Variants in ASIC2 observed in about 807,000 individuals in gnomAD.
ASIC2 encodes the protein acid-sensing ion channel 2.
In ASIC2, 25 loss-of-function variants were observed where a neutral mutation model predicts 57.3. The observed-to-expected ratio is 0.44, with a 90% CI of 0.32 to 0.61. ASIC2 has a LOEUF of 0.61. ASIC2 is among the 20% of genes least tolerant of loss of function. The pLI, the probability that ASIC2 is intolerant of heterozygous loss-of-function variation, is 0.06. For missense variants in ASIC2, 641 were observed against 738.1 expected (o/e 0.87, Z 1.52); for synonymous variants, 319 against 307.5 (o/e 1.04, Z -0.39).
At chr17:33,705,747 C>A (rs547171709) in intron 1 of ASIC2, among the ~76,000 whole-genome samples, 12 of 152,284 alleles carry the variant, frequency 7.9e-5, no homozygotes, top group African/African-American at 2.9e-4. Flanking sequence ...TCATTGAAAT[C>A]TATTTCTGAC....
intron 1 of ASIC2, among the ~76,000 whole-genome samples, chr17:33,380,245 C>CAAAAAAAAAAAAAAAAAAAAAA (rs10586872): frequency 5.6e-5 from 4 of 71,064 alleles, no homozygotes; most frequent in Non-Finnish European, 5.2e-5. Flanking sequence ...AACCCTGTCT[C>CAAAAAAAAAAAAAAAAAAAAAA]AAAAAAAAAA....
intron 1 of ASIC2, among the ~76,000 whole-genome samples, chr17:33,236,177 C>T (rs1183160581): frequency 6.6e-6 from 1 of 151,928 alleles, no homozygotes; most frequent in Non-Finnish European, 1.5e-5. Context: ...TGGGTTAAGA[C>T]TTCTGGGGAT....
intron 1 of ASIC2, among the ~76,000 whole-genome samples, chr17:33,127,478 A>G (rs1034762958): frequency 2.0e-5 from 3 of 152,226 alleles, no homozygotes; most frequent in African/African-American, 7.2e-5. Flanking sequence ...CGTCCTAGAC[A>G]TGGCAGAGGG....
chr17:33,871,232 G>C (rs1490120710), intron 1 of ASIC2, among the ~76,000 whole-genome samples: 1 of 152,252 alleles, frequency 6.6e-6, no homozygotes, highest in Admixed American at 6.5e-5. Context: ...GGGGCACTCA[G>C]AGAGGGTGGA....
chr17:33,739,890 G>C (rs891863614), intron 1 of ASIC2, among the ~76,000 whole-genome samples: 2 of 91,470 alleles, frequency 2.2e-5, no homozygotes, highest in African/African-American at 4.3e-5. Context: ...GAAAAGGAAA[G>C]AAAAGAAAAA....
chr17:34,018,466 G>A (rs1907043839), intron 1 of ASIC2, among the ~76,000 whole-genome samples: 1 of 152,102 alleles, frequency 6.6e-6, no homozygotes, highest in Non-Finnish European at 1.5e-5. Context: ...GAGTAATTGT[G>A]ACTTTCAATT....
chr17:33,774,779 C>A (rs1911214993), intron 1 of ASIC2, among the ~76,000 whole-genome samples: 1 of 152,160 alleles, frequency 6.6e-6, no homozygotes, highest in Middle Eastern at 3.2e-3. Context: ...GTGCAGGAAA[C>A]CAGCAGTGTC....
At position 33,821,957 on chromosome 17, in the gene ASIC2, G is replaced by T. The variant is rs149987871; in HGVS notation, c.555+334021C>A. On this transcript the variant is annotated intron_variant, in intron 1 of 9. Transcript: ENST00000359872. ...ACAGTCTTCTGTTCTAGCTGGGAAGGTGGGAAATTGTGGGGATGCAGCATG... is the reference window on the plus strand; with the variant it reads ...ACAGTCTTCTGTTCTAGCTGGGAAGTTGGGAAATTGTGGGGATGCAGCATG... 6.6e-5 allele frequency among the ~76,000 whole-genome samples: 10 copies of T among 152,288 alleles called. No homozygotes were observed. In the East Asian group the frequency reaches 1.7e-3, roughly 27 times the overall value.
intron 1 of ASIC2, among the ~76,000 whole-genome samples, chr17:33,368,167 G>A (rs758035460): frequency 1.3e-5 from 2 of 152,206 alleles, no homozygotes; most frequent in Non-Finnish European, 2.9e-5. Context: ...GGGATACAGT[G>A]GAAGGGTACT....
At chr17:34,024,093 C>A (rs901454152) in intron 1 of ASIC2, among the ~76,000 whole-genome samples, 3 of 152,202 alleles carry the variant, frequency 2.0e-5, no homozygotes, top group African/African-American at 4.8e-5. Context: ...AATCAGCCAG[C>A]TCCTGAAAGG....
intron 1 of ASIC2, among the ~76,000 whole-genome samples, chr17:33,152,536 C>T (rs1181590369): frequency 2.0e-5 from 3 of 152,166 alleles, no homozygotes; most frequent in Non-Finnish European, 2.9e-5. Context: ...TAGGAGTGAG[C>T]AAGGGAGACT....
chr17:33,518,375 A>G (rs949759306), intron 1 of ASIC2, among the ~76,000 whole-genome samples: 4 of 152,200 alleles, frequency 2.6e-5, no homozygotes, highest in Non-Finnish European at 4.4e-5. Flanking sequence ...GTGGAGTCCC[A>G]GCCCCTGCAT....
intron 1 of ASIC2, among the ~76,000 whole-genome samples, chr17:33,665,460 C>G (rs1241848462): frequency 6.6e-6 from 1 of 152,116 alleles, no homozygotes; most frequent in Non-Finnish European, 1.5e-5. Context: ...CATTTAGGTT[C>G]TTCAGGGCAG....
chr17:33,178,789 C>G (rs1905863552), intron 1 of ASIC2, among the ~76,000 whole-genome samples: 2 of 152,198 alleles, frequency 1.3e-5, no homozygotes, highest in African/African-American at 4.8e-5. Context: ...AGGGGAAGCT[C>G]TGTGTGTGCA....
rs190700606 is a variant in ASIC2, at chr17:33,702,663, G to C, written c.555+453315C>G. ...GACATCAAAAATCCAGCAGGGTTGC[G>C]AACTGGGGAGTTGGGACACAGAACA... On this transcript the variant is annotated intron_variant, in intron 1 of 9. Transcript: ENST00000359872. Among the ~76,000 whole-genome samples the C allele has an allele frequency of 2.9e-4, 44 of 152,306 alleles. No individual in the cohort carries two copies. In the East Asian group the frequency reaches 6.9e-3, roughly 24 times the overall value.
chr17:33,559,340 G>A (rs907873142), intron 1 of ASIC2, among the ~76,000 whole-genome samples: 7 of 152,108 alleles, frequency 4.6e-5, no homozygotes, highest in African/African-American at 1.2e-4. Flanking sequence ...ACAGATTCCA[G>A]TCACTTCAGT....
rs527756249 is a variant in ASIC2 at position 33,082,125 on chromosome 17, C to T, written c.987+6738G>A. Among the ~76,000 whole-genome samples, 4 of 152,178 alleles carry T rather than the reference C, an allele frequency of 2.6e-5. No individual in the cohort carries two copies. The East Asian group carries it at 7.7e-4, about 29-fold the overall frequency. Reference sequence around the variant, plus strand: ...GGTTCTTGGTGACAGTGGGAAGTCTCTGGGAAGGGACATTCAACCCTGGCT... The same window carrying T: ...GGTTCTTGGTGACAGTGGGAAGTCTTTGGGAAGGGACATTCAACCCTGGCT... On this transcript the variant is annotated intron_variant, in intron 3 of 9. Transcript: ENST00000225823.
intron 1 of ASIC2, among the ~76,000 whole-genome samples, chr17:33,699,746 G>A (rs1182207533): frequency 1.3e-5 from 2 of 152,148 alleles, no homozygotes; most frequent in African/African-American, 4.8e-5. Context: ...GGGCTTAGTG[G>A]CAAGACAGAA....
At chr17:33,340,555 G>A (rs1907682774) in intron 1 of ASIC2, among the ~76,000 whole-genome samples, 1 of 151,932 alleles carries the variant, frequency 6.6e-6, no homozygotes, top group Admixed American at 6.6e-5. Flanking sequence ...AGACAGATAC[G>A]AAAATATCAG....
Sources: allele counts gnomAD v4.1 joint callset (sites outside exome capture counted in the v4.1 genomes callset), GRCh38; gene constraint gnomAD v4.1.1; transcripts MANE v1.5; gene names NCBI Gene and HGNC (gene_info 2026-07-23, HGNC 2026-07-21).